The following GLYATL2 variants were observed in gnomAD, a reference collection of about 807,000 sequenced individuals.
The protein encoded by GLYATL2 is glycine-N-acyltransferase like 2, also known as glycine N-acyltransferase-like protein 2.
In GLYATL2, 25 loss-of-function variants were observed where a neutral mutation model predicts 21.4. The observed-to-expected ratio is 1.17, with a 90% CI of 0.85 to 1.63. The LOEUF (loss-of-function observed/expected upper bound fraction) is 1.63, where lower values mean the gene tolerates loss of function less well. Among genes scored for constraint, GLYATL2 ranks in the 40% most tolerant of loss-of-function variants. The pLI, the probability that GLYATL2 is intolerant of heterozygous loss-of-function variation, is 0.00. For synonymous variants in GLYATL2, 114 were observed against 118.2 expected, an observed-to-expected ratio of 0.96 and a Z score of 0.23; for missense variants, 361 against 343.3, an observed-to-expected ratio of 1.05 and a Z score of -0.41.
chr11:58,899,196 G>C (rs765154990), intron 1 of GLYATL2, among the ~76,000 whole-genome samples: 13 of 151,994 alleles, frequency 8.6e-5, no homozygotes, highest in Non-Finnish European at 1.5e-4. Context: ...GATATAATAG[G>C]GTTCAACCCA....
chr11:58,865,873 A>T (rs1470387502), intron 1 of GLYATL2, among the ~76,000 whole-genome samples: 1 of 149,160 alleles, frequency 6.7e-6, no homozygotes, highest in East Asian at 2.2e-4. Context: ...GAAAATATTT[A>T]GGAGCAATAA....
At chr11:58,894,887 CGTAAAAAATAAACTCGGGAACTTGGG>C (rs1429421519) in intron 1 of GLYATL2, among the ~76,000 whole-genome samples, 1 of 152,118 alleles carries the variant, frequency 6.6e-6, no homozygotes, top group Non-Finnish European at 1.5e-5. Flanking sequence ...AAAATTCTTA[CGTAAAAAATAAACTCGGGAACTTGGG>C]GTAATGTGAA....
intron 1 of GLYATL2, among the ~76,000 whole-genome samples, chr11:58,862,180 G>T (rs552182317): frequency 6.6e-6 from 1 of 152,238 alleles, no homozygotes; most frequent in East Asian, 1.9e-4. Context: ...TCTGCTGTTA[G>T]CCTTATTGGA....
chr11:58,907,691 G>T (rs1429101592), upstream of GLYATL2: 1 of 190,204 alleles, frequency 5.3e-6, no homozygotes, highest in Non-Finnish European at 1.1e-5. Context: ...TTTTTGACTA[G>T]ATATCAAGCT....
chr11:58,878,974 AATC>A (rs745667684), intron 1 of GLYATL2, among the ~76,000 whole-genome samples: 92 of 152,324 alleles, frequency 6.0e-4, no homozygotes, highest in Non-Finnish European at 1.2e-3. Flanking sequence ...TCTTTAGAAT[AATC>A]TGCCTTGCAC....
At chr11:58,874,097 T>C (rs530488253) in intron 1 of GLYATL2, among the ~76,000 whole-genome samples, 1 of 152,326 alleles carries the variant, frequency 6.6e-6, no homozygotes, top group African/African-American at 2.4e-5. Context: ...GTATTCTTGA[T>C]GGTAGTTTGT....
chr11:58,848,145 T>G (rs2134584243), upstream of GLYATL2, among the ~76,000 whole-genome samples: 1 of 152,228 alleles, frequency 6.6e-6, no homozygotes, highest in African/African-American at 2.4e-5. Flanking sequence ...ATTACTGGGC[T>G]TGGGATGCTC....
At chr11:58,886,811 T>C (rs1163802409) in intron 1 of GLYATL2, among the ~76,000 whole-genome samples, 2 of 152,116 alleles carry the variant, frequency 1.3e-5, no homozygotes, top group African/African-American at 2.4e-5. Flanking sequence ...ACACTGAGCC[T>C]CCAAATAATA....
intron 1 of GLYATL2, among the ~76,000 whole-genome samples, chr11:58,882,378 T>G (rs920108511): frequency 6.6e-6 from 1 of 152,240 alleles, no homozygotes; most frequent in Non-Finnish European, 1.5e-5. Context: ...ATAAATGTCT[T>G]CTTTTGAGAA....
At chr11:58,904,103 C>T (rs540917213) in intron 1 of GLYATL2, 111 of 152,290 alleles carry the variant, frequency 7.3e-4, no homozygotes, top group African/African-American at 2.6e-3. Flanking sequence ...TCCATGGGCT[C>T]GCCCTTCAAA....
At chr11:58,835,138 G>A (rs750599154) in intron 5 of GLYATL2, among the ~76,000 whole-genome samples, 2 of 152,168 alleles carry the variant, frequency 1.3e-5, no homozygotes, top group Non-Finnish European at 2.9e-5. Flanking sequence ...CTAAAAGAGT[G>A]TGAATATAGG....
chr11:58,903,078 G>A (rs1390725670), intron 1 of GLYATL2, among the ~76,000 whole-genome samples: 2 of 152,200 alleles, frequency 1.3e-5, no homozygotes, highest in Admixed American at 6.5e-5. Context: ...TACTAAAAAT[G>A]ACGTCAGGTT....
chr11:58,863,052 C>T (rs1454623074), intron 1 of GLYATL2, among the ~76,000 whole-genome samples: 1 of 152,144 alleles, frequency 6.6e-6, no homozygotes, highest in Non-Finnish European at 1.5e-5. Flanking sequence ...TAGCCTGGTG[C>T]CTGTGTCAGC....
upstream of GLYATL2, among the ~76,000 whole-genome samples, chr11:58,906,228 C>A (rs935640831): frequency 6.6e-6 from 1 of 152,150 alleles, no homozygotes; most frequent in African/African-American, 2.4e-5. Context: ...AGCTGGGCCC[C>A]GCCCGTTGTG....
At chr11:58,879,650 A>G (rs1284105929) in intron 1 of GLYATL2, among the ~76,000 whole-genome samples, 1 of 152,186 alleles carries the variant, frequency 6.6e-6, no homozygotes, top group African/African-American at 2.4e-5. Flanking sequence ...GTCATAAAGT[A>G]AAATAAAAGT....
chr11:58,869,768 TAAAATA>T (rs1015903836), intron 1 of GLYATL2, among the ~76,000 whole-genome samples: 1 of 152,212 alleles, frequency 6.6e-6, no homozygotes, highest in Non-Finnish European at 1.5e-5. Context: ...AAAATTATTG[TAAAATA>T]AAAATAGAAA....
intron 3 of GLYATL2, 32 bp downstream of exon 3, chr11:58,838,229 C>T (rs373928451): frequency 1.4e-6 from 2 of 1,393,056 alleles, no homozygotes; most frequent in Non-Finnish European, 2.0e-6. Context: ...TGGAGAGTGA[C>T]TACCCTCATA....
chr11:58,905,928 A>G (rs1307398532), upstream of GLYATL2, among the ~76,000 whole-genome samples: 3 of 152,226 alleles, frequency 2.0e-5, no homozygotes, highest in Non-Finnish European at 4.4e-5. Context: ...AACAGCCTCC[A>G]GAGACTCTTC....
At chr11:58,853,356 A>G (rs1853774116) in intron 1 of GLYATL2, among the ~76,000 whole-genome samples, 2 of 152,198 alleles carry the variant, frequency 1.3e-5, no homozygotes, top group East Asian at 3.8e-4. Flanking sequence ...TACAGATCAA[A>G]AATAAAGTAT....
Sources: allele counts gnomAD v4.1 joint callset (sites outside exome capture counted in the v4.1 genomes callset), GRCh38; gene constraint gnomAD v4.1.1; transcripts MANE v1.5; gene names NCBI Gene and HGNC (gene_info 2026-07-23, HGNC 2026-07-21).